The following PDGFC variants were observed in gnomAD, a reference collection of about 807,000 sequenced individuals.
PDGFC encodes platelet-derived growth factor C.
A neutral mutation model predicts 35.5 loss-of-function variants in PDGFC; 12 were observed. That is an observed-to-expected ratio of 0.34 (90% CI 0.22 to 0.55). The LOEUF (loss-of-function observed/expected upper bound fraction) is 0.55. Among genes scored for constraint, PDGFC ranks in the 20% least tolerant of loss-of-function variants. The pLI is 0.91. For synonymous variants in PDGFC, 159 were observed against 148.8 expected (o/e 1.07, Z -0.50); for missense variants, 322 against 412.4 (o/e 0.78, Z 1.90).
intron 3 of PDGFC, chr4:156,779,132 C>T (rs1027808285): frequency 8.8e-6 from 4 of 456,142 alleles, no homozygotes; most frequent in South Asian, 4.6e-5. Flanking sequence ...GACACAAATG[C>T]CTGCCAGGAA....
chr4:156,802,555 T>C (rs368135272), intron 3 of PDGFC, among the ~76,000 whole-genome samples: 5 of 145,662 alleles, frequency 3.4e-5, no homozygotes, highest in Non-Finnish European at 7.7e-5. Context: ...TACACACACA[T>C]ACACACACAC....
intron 3 of PDGFC, chr4:156,778,229 A>T (rs1241016408): frequency 5.3e-6 from 2 of 377,290 alleles, no homozygotes; most frequent in Non-Finnish European, 1.1e-5. Context: ...ATACTGCATC[A>T]TAGAAGAGAG....
chr4:156,828,564 T>A (rs982019001), intron 2 of PDGFC, among the ~76,000 whole-genome samples: 3 of 152,102 alleles, frequency 2.0e-5, no homozygotes, highest in African/African-American at 7.2e-5. Context: ...TTCTCCCTTT[T>A]CTTCAGTGAC....
At chr4:156,891,690 T>C (rs1314338300) in intron 1 of PDGFC, among the ~76,000 whole-genome samples, 1 of 117,918 alleles carries the variant, frequency 8.5e-6, no homozygotes, top group Non-Finnish European at 1.8e-5. Context: ...TTTACAGTGT[T>C]CAGATAAATA....
At chr4:156,833,096 T>G (rs1024416718) in intron 2 of PDGFC, among the ~76,000 whole-genome samples, 1 of 152,246 alleles carries the variant, frequency 6.6e-6, no homozygotes, top group African/African-American at 2.4e-5. Flanking sequence ...TTTTGAAGTT[T>G]CTTGGCAGTG....
intron 1 of PDGFC, among the ~76,000 whole-genome samples, chr4:156,963,214 T>C (rs1254942199): frequency 6.6e-6 from 1 of 152,046 alleles, no homozygotes; most frequent in Non-Finnish European, 1.5e-5. Context: ...ACCTCTGTAA[T>C]CCCAGCACAT....
intron 1 of PDGFC, among the ~76,000 whole-genome samples, chr4:156,949,716 A>G (rs1430036350): frequency 1.3e-5 from 2 of 151,946 alleles, no homozygotes; most frequent in Non-Finnish European, 2.9e-5. Context: ...ATAGCACTTC[A>G]CATTTCCTAA....
At chr4:156,901,975 G>A (rs552747311) in intron 1 of PDGFC, among the ~76,000 whole-genome samples, 1 of 152,314 alleles carries the variant, frequency 6.6e-6, no homozygotes, top group East Asian at 1.9e-4. Flanking sequence ...GCGATGCCAG[G>A]ATAAGGGAAG....
chr4:156,858,259 TTAAGG>T (rs1291785170), intron 1 of PDGFC, among the ~76,000 whole-genome samples: 1 of 152,082 alleles, frequency 6.6e-6, no homozygotes, highest in Non-Finnish European at 1.5e-5. Context: ...CATTTTTGCC[TTAAGG>T]TAATGGTAAA....
At chr4:156,937,914 T>C (rs1191101725) in intron 1 of PDGFC, among the ~76,000 whole-genome samples, 1 of 152,058 alleles carries the variant, frequency 6.6e-6, no homozygotes, top group East Asian at 1.9e-4. Context: ...ATGAAGAAAT[T>C]ACAGAGAAAC....
At chr4:156,967,385 CA>C (rs1408716519) in intron 1 of PDGFC, 2 of 151,954 alleles carry the variant, frequency 1.3e-5, no homozygotes, top group Non-Finnish European at 2.9e-5. Flanking sequence ...ACCAGCAGAC[CA>C]AAGTAAATTG....
intron 1 of PDGFC, among the ~76,000 whole-genome samples, chr4:156,854,619 G>A (rs913942365): frequency 6.6e-6 from 1 of 151,974 alleles, no homozygotes; most frequent in Non-Finnish European, 1.5e-5. Context: ...ATAATCAGAA[G>A]AAGAAAGAAA....
At chr4:156,961,316 G>T (rs184791884) in intron 1 of PDGFC, among the ~76,000 whole-genome samples, 11 of 152,216 alleles carry the variant, frequency 7.2e-5, no homozygotes, top group African/African-American at 2.6e-4. Context: ...AACAACAGGA[G>T]ATAAGTACCA....
At chr4:156,883,617 G>A (rs144446460) in intron 1 of PDGFC, among the ~76,000 whole-genome samples, 19 of 152,058 alleles carry the variant, frequency 1.2e-4, no homozygotes, top group Non-Finnish European at 1.6e-4. Context: ...CTAGAATACC[G>A]CCAGTGACCA....
chr4:156,938,576 C>A (rs1486742687), intron 1 of PDGFC, among the ~76,000 whole-genome samples: 2 of 151,840 alleles, frequency 1.3e-5, no homozygotes, highest in East Asian at 3.9e-4. Flanking sequence ...ATTTAAAAAA[C>A]TGACAAAACT....
chr4:156,815,308 A>C (rs2110958666), intron 2 of PDGFC, among the ~76,000 whole-genome samples: 1 of 146,958 alleles, frequency 6.8e-6, no homozygotes, highest in African/African-American at 2.5e-5. Flanking sequence ...TAAAGTTATT[A>C]ATGAAATAAT....
At chr4:156,820,441 T>A (rs540296049) in intron 2 of PDGFC, among the ~76,000 whole-genome samples, 1 of 152,244 alleles carries the variant, frequency 6.6e-6, no homozygotes, top group African/African-American at 2.4e-5. Context: ...AGCCACCACA[T>A]TGAGGCAGGA....
chr4:156,880,867 G>A (rs1172478522), intron 1 of PDGFC, among the ~76,000 whole-genome samples: 1 of 152,144 alleles, frequency 6.6e-6, no homozygotes, highest in Admixed American at 6.5e-5. Flanking sequence ...TTGTTTTTAT[G>A]GATGAGCAAA....
At chr4:156,880,136 C>T (rs971456267) in intron 1 of PDGFC, among the ~76,000 whole-genome samples, 5 of 152,050 alleles carry the variant, frequency 3.3e-5, no homozygotes, top group East Asian at 1.9e-4. Flanking sequence ...AACGGATCGT[C>T]GATGTAGGTG....
Sources: allele counts gnomAD v4.1 joint callset (sites outside exome capture counted in the v4.1 genomes callset), GRCh38; gene constraint gnomAD v4.1.1; transcripts MANE v1.5; gene names NCBI Gene and HGNC (gene_info 2026-07-23, HGNC 2026-07-21).